Variants in IFNGR2 observed in about 807,000 individuals in gnomAD.
IFNGR2 encodes the protein IFN-gamma receptor 2.
In IFNGR2, 15 loss-of-function variants were observed where a neutral mutation model predicts 41.1. The observed-to-expected ratio is 0.37, with a 90% CI of 0.24 to 0.56. The LOEUF is 0.56. IFNGR2 is among the 20% of genes least tolerant of loss of function. The pLI is 0.81. For synonymous variants in IFNGR2, 161 were observed against 171.6 expected (o/e 0.94, Z 0.48); for missense variants, 362 against 415.7 (o/e 0.87, Z 1.12).
At chr21:33,429,069 C>A (rs762720159) in intron 4 of IFNGR2, among the ~76,000 whole-genome samples, 1 of 152,164 alleles carries the variant, frequency 6.6e-6, no homozygotes, top group African/African-American at 2.4e-5. Flanking sequence ...CACTTAGCCT[C>A]TCTGGGCTGC....
At chr21:33,419,910 A>G (rs1432886658) in intron 2 of IFNGR2, among the ~76,000 whole-genome samples, 1 of 152,072 alleles carries the variant, frequency 6.6e-6, no homozygotes, top group East Asian at 1.9e-4. Flanking sequence ...TTGCTCTTGG[A>G]GGAGGAGGAG....
intron 1 of IFNGR2, among the ~76,000 whole-genome samples, chr21:33,413,705 T>A (rs2083732050): frequency 6.6e-6 from 1 of 151,894 alleles, no homozygotes; most frequent in Non-Finnish European, 1.5e-5. Context: ...CCCTGTGAAG[T>A]ACCTGCTTGG....
At chr21:33,416,956 C>T (rs1157891461) in intron 2 of IFNGR2, among the ~76,000 whole-genome samples, 5 of 147,062 alleles carry the variant, frequency 3.4e-5, no homozygotes, top group African/African-American at 7.5e-5. Context: ...ACAAAGTCTC[C>T]GTCACCCAGG....
chr21:33,425,276 T>C (rs554455175), intron 3 of IFNGR2, among the ~76,000 whole-genome samples: 1 of 152,226 alleles, frequency 6.6e-6, no homozygotes, highest in South Asian at 2.1e-4. Context: ...GGAAAGGCCA[T>C]TTACCTGGAG....
At chr21:33,411,255 G>A (rs2083713502) in intron 1 of IFNGR2, among the ~76,000 whole-genome samples, 2 of 152,304 alleles carry the variant, frequency 1.3e-5, no homozygotes, top group South Asian at 2.1e-4. Context: ...TGGGAACCCC[G>A]ACTTATACAG....
rs2083851840 is a variant in IFNGR2, at chr21:33,427,841, C to CTTT, written c.561+809_561+810insTTT. On this transcript the variant is annotated intron_variant, in intron 4 of 6. Coordinates refer to ENST00000290219, the MANE Select transcript of IFNGR2 (RefSeq NM_005534.4). Reference sequence around the variant, plus strand: ...GAATTTTAGATACTTCATCTCATTTCATCTTTTTTTTTTTTTTTTTTTTGA... The same window carrying CTTT: ...GAATTTTAGATACTTCATCTCATTTCTTTATCTTTTTTTTTTTTTTTTTTTTGA... 9.2e-4 allele frequency among the ~76,000 whole-genome samples: 107 copies of CTTT among 116,894 alleles called. 5 individuals carry two copies. The highest frequency in any genetic ancestry group is 2.9e-3 in the East Asian group (11 of 3,838). The allele number at this position is 116,894 out of a possible 152,430, so 76.7% of individuals were successfully genotyped here. A position where few individuals can be genotyped will look rare whatever the true frequency, so the allele number is the denominator to read the frequency against.
In IFNGR2 at chr21:33,424,113, C is replaced by T. The variant is rs368598222; in HGVS notation, c.412+2428C>T. 1.8e-4 allele frequency among the ~76,000 whole-genome samples: 28 copies of T among 152,094 alleles called. No individual in the cohort carries two copies. The South Asian group carries it at 5.4e-3, about 29-fold the overall frequency. On this transcript the variant is annotated intron_variant, in intron 3 of 6. Coordinates refer to ENST00000290219, the MANE Select transcript of IFNGR2 (RefSeq NM_005534.4). ...GTCAGGAGTTCAAGACCAGTCTGGC[C>T]AACATGGTGAAACCCCATCTCTACT...
At chr21:33,414,113 G>A (rs1260399069) in intron 1 of IFNGR2, among the ~76,000 whole-genome samples, 1 of 152,136 alleles carries the variant, frequency 6.6e-6, no homozygotes, top group East Asian at 1.9e-4. Context: ...GATTATAGGT[G>A]TGAGCCACTG....
In IFNGR2 at chr21:33,437,179, C is replaced by T. The variant is rs545331964; in HGVS notation, c.*217C>T. On this transcript the variant is annotated 3_prime_UTR_variant, in exon 7 of 7. Coordinates refer to ENST00000290219, the MANE Select transcript of IFNGR2 (RefSeq NM_005534.4). ...AAAATCAAATTCCAGAATGATTTTA[C>T]GGAGATATCCCAGGAAAATTAAGGC... 1.6e-4 allele frequency: 84 copies of T among 537,610 alleles called. No individual in the cohort carries two copies. Among genetic ancestry groups the T allele is most frequent in the Admixed American group, 3.2e-4 (10 of 31,330 alleles). The allele number at this position is 537,610 out of a possible 1,614,324, so 33.3% of individuals were successfully genotyped here. A position where few individuals can be genotyped will look rare whatever the true frequency, so the allele number is the denominator to read the frequency against.
rs1245454647 is a variant in IFNGR2 at position 33,432,753 on chromosome 21, G to T, written c.761G>T (p.Gly254Val). The change falls in exon 6 of 7, where the codon GGA (glycine) becomes GTA (valine). Residue 254 changes from glycine (G) to valine (V), a missense_variant. Coordinates refer to ENST00000290219, the MANE Select transcript of IFNGR2 (RefSeq NM_005534.4). The part of the protein sequence containing the change: ...ELQQVILISV[G>V]TFSLLSVLAG... ...CAGCAAGTCATCCTGATCTCCGTGG[G>T]AACATTTTCGTTGCTGTCGGTGCTG... The T allele has an allele frequency of 1.9e-6, 3 of 1,614,098 alleles. No homozygotes were observed. The highest frequency in any genetic ancestry group is 2.5e-6 in the Non-Finnish European group (3 of 1,180,016).
intron 1 of IFNGR2, among the ~76,000 whole-genome samples, chr21:33,404,072 T>C (rs967543496): frequency 2.0e-5 from 3 of 152,224 alleles, no homozygotes; most frequent in Non-Finnish European, 4.4e-5. Context: ...TCTCCGAATT[T>C]CTCGGAATGA....
At chr21:33,431,808 G>GCT (rs1163839738) in intron 4 of IFNGR2, among the ~76,000 whole-genome samples, 1 of 152,192 alleles carries the variant, frequency 6.6e-6, no homozygotes, top group Admixed American at 6.5e-5. Flanking sequence ...CTGACCTCAG[G>GCT]TGATCCACCC....
chr21:33,431,566 C>T (rs2083887966), intron 4 of IFNGR2, among the ~76,000 whole-genome samples: 1 of 151,516 alleles, frequency 6.6e-6, no homozygotes, highest in Admixed American at 6.6e-5. Context: ...GAAACTCCAT[C>T]TCAAAAAAAA....
intron 3 of IFNGR2, among the ~76,000 whole-genome samples, chr21:33,423,076 CTT>C (rs2083807544): frequency 7.8e-6 from 1 of 127,728 alleles, no homozygotes; most frequent in Non-Finnish European, 1.6e-5. Flanking sequence ...GTCTCTCTCT[CTT>C]GCCCAGGCTG....
Position 33,403,640 on chromosome 21 carries a change from G to A in IFNGR2, c.73+24G>A, listed in dbSNP as rs1281386204. 3 of 1,303,296 alleles carry A rather than the reference G, an allele frequency of 2.3e-6. No individual in the cohort carries two copies. The Admixed American group carries it at 1.2e-4, about 54-fold the overall frequency. 80.7% of individuals were successfully genotyped at this position (1,303,296 alleles called of 1,614,324 possible). Reference sequence around the variant, plus strand: ...AGGTGAGCCGGGCCTGGGCCTCCGCGGCGGGACGCGGGCGCAGCCGCAGCA... The same window carrying A: ...AGGTGAGCCGGGCCTGGGCCTCCGCAGCGGGACGCGGGCGCAGCCGCAGCA... On this transcript the variant is annotated intron_variant, in intron 1 of 6. Coordinates refer to ENST00000290219, the MANE Select transcript of IFNGR2 (RefSeq NM_005534.4).
chr21:33,432,105 G>A (rs926248565), intron 4 of IFNGR2, 72 bp from the exon 5 acceptor site: 3 of 1,360,110 alleles, frequency 2.2e-6, no homozygotes, highest in African/African-American at 1.4e-5. Context: ...TGAATTTGAG[G>A]AAACATCAGA....
chr21:33,426,821 T>C (rs974364301), intron 3 of IFNGR2, 63 bp from the exon 4 acceptor site: 18 of 1,110,112 alleles, frequency 1.6e-5, no homozygotes, highest in South Asian at 8.8e-5. Context: ...ATATAATACA[T>C]TGTATTATAT....
At chr21:33,407,849 C>A (rs1344626255) in intron 1 of IFNGR2, among the ~76,000 whole-genome samples, 2 of 143,658 alleles carry the variant, frequency 1.4e-5, no homozygotes, top group Non-Finnish European at 3.1e-5. Context: ...CCACCGCACC[C>A]CCCCCCGCCA....
At chr21:33,414,554 G>A (rs75444035) in intron 1 of IFNGR2, among the ~76,000 whole-genome samples, 1,667 of 152,224 alleles carry the variant, frequency 0.011, 27 homozygotes, top group African/African-American at 0.038. Context: ...GACCTGCCCC[G>A]AGCCTAATGC....
Sources: gnomAD v4.1 joint callset for allele counts (sites outside exome capture counted in the v4.1 genomes callset) on GRCh38, gnomAD v4.1.1 for gene constraint, MANE v1.5 for transcripts, NCBI Gene and HGNC (gene_info 2026-07-23, HGNC 2026-07-21) for gene names.